The following MARK1 variants were observed in gnomAD, a reference collection of about 807,000 sequenced individuals.
The protein encoded by MARK1 is serine/threonine-protein kinase MARK1.
In MARK1, 40 loss-of-function variants were observed where a neutral mutation model predicts 96.3. That is an observed-to-expected ratio of 0.42 (90% confidence interval 0.32 to 0.54). The LOEUF (loss-of-function observed/expected upper bound fraction) is 0.54. MARK1 is among the 20% of genes least tolerant of loss of function. The pLI is 0.16. For synonymous variants in MARK1, 317 were observed against 341.2 expected (o/e 0.93, Z 0.78); for missense variants, 719 against 984.6 (o/e 0.73, Z 3.61).
chr1:220,632,461 T>C, intron 11 of MARK1, 148 bp downstream of exon 11: 1 of 438,318 alleles, frequency 2.3e-6, no homozygotes, highest in Non-Finnish European at 4.0e-6. Context: ...TGTTAAATTA[T>C]GAACTGGTTG....
intron 9 of MARK1, among the ~76,000 whole-genome samples, chr1:220,630,399 G>GC (rs1667622085): frequency 1.3e-5 from 2 of 151,884 alleles, no homozygotes; most frequent in East Asian, 3.9e-4. Flanking sequence ...TCTCTAGTTG[G>GC]CCCCCACAAG....
intron 7 of MARK1, among the ~76,000 whole-genome samples, chr1:220,617,173 TA>T: frequency 6.6e-6 from 1 of 152,188 alleles, no homozygotes; most frequent in Non-Finnish European, 1.5e-5. Context: ...CAATCTAATA[TA>T]AATTTTTCCA....
rs1053501606 is a variant in MARK1, at chr1:220,653,483, G to C, written c.1988+131G>C. On this transcript the variant is annotated intron_variant, in intron 16 of 17. Coordinates refer to ENST00000366917, the MANE Select transcript of MARK1 (RefSeq NM_018650.5). ...ATTTCATTAGAGCTGCTCTTTTACAGAGTTGGAAGAAAAAAATCTAGGAAG... is the reference window on the plus strand; with the variant it reads ...ATTTCATTAGAGCTGCTCTTTTACACAGTTGGAAGAAAAAAATCTAGGAAG... 9.6e-6 allele frequency: 9 copies of C among 941,046 alleles called. No homozygotes were observed. The Admixed American group carries it at 3.1e-4, about 32-fold the overall frequency. The allele number at this position is 941,046 out of a possible 1,614,324, so 58.3% of individuals were successfully genotyped here. A position where few individuals can be genotyped will look rare whatever the true frequency, so the allele number is the denominator to read the frequency against.
intron 5 of MARK1, 37 bp downstream of exon 5, chr1:220,599,900 A>C: frequency 1.4e-6 from 2 of 1,412,540 alleles, no homozygotes; most frequent in Non-Finnish European, 2.0e-6. Flanking sequence ...CTCTTTGCTG[A>C]GACATACAGA....
Position 220,586,016 on chromosome 1 carries a change from CGCGT to C in MARK1, c.309+4902_309+4905del, listed in dbSNP as rs1488137681. On this transcript the variant is annotated intron_variant, in intron 3 of 17. Transcript: ENST00000366917. The stretch of plus-strand genomic sequence containing the variant: ...ACACACACACACACACACACACGCG[CGCGT>C]GCGCAGAGAGAGAGAGTTTAAAATG... Among the ~76,000 whole-genome samples, 537 of 151,682 alleles carry C rather than the reference CGCGT, an allele frequency of 3.5e-3. 7 individuals carry two copies. Among genetic ancestry groups the C allele is most frequent in the African/African-American group, 0.012 (506 of 41,152 alleles).
intron 1 of MARK1, among the ~76,000 whole-genome samples, chr1:220,556,373 C>A (rs1232347950): frequency 2.0e-5 from 3 of 150,442 alleles, no homozygotes; most frequent in African/African-American, 7.3e-5. Context: ...GAGTAGAAAC[C>A]CCAAACTATG....
chr1:220,528,952 T>TC, intron 1 of MARK1, 79 bp downstream of exon 1: 1 of 1,416,244 alleles, frequency 7.1e-7, no homozygotes, highest in Non-Finnish European at 9.4e-7. Flanking sequence ...GCTTGGGCCG[T>TC]CCCCCGTGCC....
At chr1:220,594,450 AAG>A (rs975562891) in intron 3 of MARK1, among the ~76,000 whole-genome samples, 3 of 152,192 alleles carry the variant, frequency 2.0e-5, no homozygotes, top group African/African-American at 7.2e-5. Flanking sequence ...GCCACTTTAG[AAG>A]AGAGTTTGGC....
rs554447980 is a variant in MARK1, at chr1:220,612,848, T to C, written c.496-3091T>C. 2.2e-4 allele frequency among the ~76,000 whole-genome samples: 33 copies of C among 152,292 alleles called. 2 individuals carry two copies. In the South Asian group the frequency reaches 6.4e-3, roughly 30 times the overall value. On this transcript the variant is annotated intron_variant, in intron 6 of 17. Coordinates refer to ENST00000366917, the MANE Select transcript of MARK1 (RefSeq NM_018650.5). ...TTACTCTTAGAAATACCAAAGACAC[T>C]TGGGCAGTTTAAGACCACTGAGCAG...
intron 1 of MARK1, among the ~76,000 whole-genome samples, chr1:220,536,754 G>A (rs1660721269): frequency 6.6e-6 from 1 of 152,008 alleles, no homozygotes; most frequent in African/African-American, 2.4e-5. Flanking sequence ...GCTAATTTTT[G>A]TACTTTTAGT....
chr1:220,529,991 G>T (rs1660202478), intron 1 of MARK1, among the ~76,000 whole-genome samples: 1 of 152,032 alleles, frequency 6.6e-6, no homozygotes, highest in South Asian at 2.1e-4. Context: ...TCATGGGGTT[G>T]GTAAAATAAA....
chr1:220,660,352 C>T (rs1348109638), intron 17 of MARK1, among the ~76,000 whole-genome samples: 1 of 152,070 alleles, frequency 6.6e-6, no homozygotes, highest in Non-Finnish European at 1.5e-5. Context: ...GTATTCCTTT[C>T]CTTATTTTCT....
intron 6 of MARK1, among the ~76,000 whole-genome samples, chr1:220,609,189 A>G (rs1558295419): frequency 6.6e-6 from 1 of 152,134 alleles, no homozygotes; most frequent in Non-Finnish European, 1.5e-5. Flanking sequence ...TGGGAGTCTT[A>G]AGTCTCTTTG....
At chr1:220,604,813 A>G (rs955915835) in intron 6 of MARK1, among the ~76,000 whole-genome samples, 2 of 152,126 alleles carry the variant, frequency 1.3e-5, no homozygotes, top group African/African-American at 4.8e-5. Context: ...AAATTAGTGA[A>G]TTGTAAATTG....
chr1:220,603,997 T>A, intron 5 of MARK1, 70 bp from the exon 6 acceptor site: 1 of 917,578 alleles, frequency 1.1e-6, no homozygotes. Context: ...AGGAAAAAAC[T>A]TGACATTGCA....
chr1:220,642,442 A>G (rs968624118), intron 13 of MARK1, among the ~76,000 whole-genome samples: 9 of 152,166 alleles, frequency 5.9e-5, no homozygotes, highest in African/African-American at 2.2e-4. Context: ...CCCTGCAGGA[A>G]TCCCAGCAAC....
At chr1:220,553,912 A>G (rs897191427) in intron 1 of MARK1, among the ~76,000 whole-genome samples, 1 of 152,236 alleles carries the variant, frequency 6.6e-6, no homozygotes, top group Non-Finnish European at 1.5e-5. Flanking sequence ...AGCAGCTTGC[A>G]TGACAGCCTA....
chr1:220,556,059 TC>T (rs767995685), intron 1 of MARK1, among the ~76,000 whole-genome samples: 1 of 152,198 alleles, frequency 6.6e-6, no homozygotes, highest in Non-Finnish European at 1.5e-5. Flanking sequence ...ATGGCATTCC[TC>T]AGGGCTTTTT....
intron 11 of MARK1, among the ~76,000 whole-genome samples, chr1:220,633,669 C>G (rs963953527): frequency 5.9e-5 from 9 of 152,134 alleles, no homozygotes; most frequent in African/African-American, 2.2e-4. Context: ...TCAGACCCAC[C>G]AAGGCAGGTC....
Sources: allele counts gnomAD v4.1 joint callset (sites outside exome capture counted in the v4.1 genomes callset), GRCh38; gene constraint gnomAD v4.1.1; transcripts MANE v1.5; gene names NCBI Gene and HGNC (gene_info 2026-07-23, HGNC 2026-07-21).